CTNNA3: variants seen among roughly 807,000 people sequenced by gnomAD.
The protein encoded by CTNNA3 is catenin alpha 3, also known as catenin alpha-3.
CTNNA3 carries 76 observed loss-of-function variants against 95.7 expected under a neutral mutation model. The ratio of observed to expected loss-of-function variants is 0.79; its 90% CI spans 0.66 to 0.96. CTNNA3 has a LOEUF of 0.96. CTNNA3 is among the 40% of genes least tolerant of loss of function. The pLI is 0.00. For synonymous variants in CTNNA3, 431 were observed against 374.4 expected, an observed-to-expected ratio of 1.15 and a Z score of -1.74; for missense variants, 1,191 against 1,089.8, an observed-to-expected ratio of 1.09 and a Z score of -1.31.
At chr10:66,414,423 AGAG>A (rs1047700601) in intron 11 of CTNNA3, among the ~76,000 whole-genome samples, 1 of 152,168 alleles carries the variant, frequency 6.6e-6, no homozygotes, top group Non-Finnish European at 1.5e-5. Flanking sequence ...ACTCCCCAAT[AGAG>A]GGAAACGGTA....
chr10:66,521,908 C>T (rs960170110), intron 10 of CTNNA3, among the ~76,000 whole-genome samples: 9 of 152,222 alleles, frequency 5.9e-5, no homozygotes, highest in South Asian at 2.1e-4. Flanking sequence ...AAAATTCCAT[C>T]GAAAGCTCTG....
At position 67,676,059 on chromosome 10, in the gene CTNNA3, C is replaced by T. The variant is rs1003271692; in HGVS notation, c.-6+19941G>A. Among the ~76,000 whole-genome samples the T allele has an allele frequency of 7.2e-5, 11 of 151,804 alleles. No individual in the cohort carries two copies. The South Asian group carries it at 1.2e-3, about 17-fold the overall frequency. ...AGATTATATCATATAAACTAAAGGC[C>T]GAGGCACCCAAGTTAAGTAATCAAA... is the stretch of plus-strand genomic sequence containing the variant. On this transcript the variant is annotated intron_variant, in intron 1 of 17. Transcript: ENST00000433211.
intron 9 of CTNNA3, among the ~76,000 whole-genome samples, chr10:66,653,914 A>T (rs1297247879): frequency 1.3e-5 from 2 of 152,138 alleles, no homozygotes; most frequent in African/African-American, 4.8e-5. Context: ...CAGAAGATGA[A>T]ATTAGACCCT....
chr10:67,387,599 T>A (rs1053265441), intron 5 of CTNNA3, among the ~76,000 whole-genome samples: 1 of 152,190 alleles, frequency 6.6e-6, no homozygotes, highest in African/African-American at 2.4e-5. Flanking sequence ...GCTCCACCTC[T>A]GGGGGCAGGG....
At chr10:67,285,221 T>C (rs1839551462) in intron 5 of CTNNA3, among the ~76,000 whole-genome samples, 1 of 152,240 alleles carries the variant, frequency 6.6e-6, no homozygotes, top group Non-Finnish European at 1.5e-5. Context: ...ATTAGACATT[T>C]AGAAGTCCCA....
chr10:66,928,503 T>C lies in CTNNA3; in HGVS notation c.1048-152979A>G, dbSNP rs773159003. On this transcript the variant is annotated intron_variant, in intron 7 of 17. Coordinates refer to ENST00000433211, the MANE Select transcript of CTNNA3 (RefSeq NM_013266.4). ...CTCTTAAAAGCTGGGAAATAAGTGGTGCTTTATTGAACTCTGGTGACTATC... is the reference window on the plus strand; with the variant it reads ...CTCTTAAAAGCTGGGAAATAAGTGGCGCTTTATTGAACTCTGGTGACTATC... 4 of 1,504,058 alleles carry C rather than the reference T, an allele frequency of 2.7e-6. No individual in the cohort carries two copies. The African/African-American group carries it at 4.2e-5, about 16-fold the overall frequency. The allele number at this position is 1,504,058 out of a possible 1,614,324, so 93.2% of individuals were successfully genotyped here. A position where few individuals can be genotyped will look rare whatever the true frequency, so the allele number is the denominator to read the frequency against.
chr10:66,296,029 T>G (rs1425703629), intron 12 of CTNNA3, among the ~76,000 whole-genome samples: 1 of 152,198 alleles, frequency 6.6e-6, no homozygotes, highest in Admixed American at 6.5e-5. Flanking sequence ...TTAAGGTATA[T>G]CTATGTTGAA....
At chr10:66,883,510 C>T (rs1281763654) in intron 7 of CTNNA3, among the ~76,000 whole-genome samples, 1 of 152,162 alleles carries the variant, frequency 6.6e-6, no homozygotes, top group Non-Finnish European at 1.5e-5. Flanking sequence ...AATTATCACA[C>T]ACCTGTTGCA....
intron 1 of CTNNA3, among the ~76,000 whole-genome samples, chr10:67,687,928 T>C (rs144491128): frequency 0.033 from 5,090 of 152,308 alleles, 95 homozygotes; most frequent in Middle Eastern, 0.085. Context: ...TGGGGATCCA[T>C]ACTGGGGATG....
At chr10:67,649,557 AAAAT>A (rs1283555396) in intron 1 of CTNNA3, among the ~76,000 whole-genome samples, 1 of 152,260 alleles carries the variant, frequency 6.6e-6, no homozygotes, top group East Asian at 1.9e-4. Flanking sequence ...TTACTTAAAA[AAAAT>A]AAATCCTTAA....
intron 3 of CTNNA3, among the ~76,000 whole-genome samples, chr10:67,547,934 T>G (rs1840895313): frequency 6.6e-6 from 1 of 152,198 alleles, no homozygotes; most frequent in Non-Finnish European, 1.5e-5. Flanking sequence ...GACTTAATAT[T>G]GTTAAGATAG....
At chr10:67,039,411 C>T (rs1854262685) in intron 7 of CTNNA3, among the ~76,000 whole-genome samples, 2 of 152,086 alleles carry the variant, frequency 1.3e-5, no homozygotes, top group Admixed American at 1.3e-4. Context: ...GAAAAGCCTG[C>T]TCTTACAAGT....
intron 13 of CTNNA3, among the ~76,000 whole-genome samples, chr10:66,188,630 T>TGC (rs1554883599): frequency 3.3e-5 from 5 of 150,070 alleles, no homozygotes; most frequent in African/African-American, 9.9e-5. Context: ...TGTGTGTGTG[T>TGC]GCCACAATTT....
intron 1 of CTNNA3, among the ~76,000 whole-genome samples, chr10:67,761,206 A>C (rs1239257481): frequency 6.6e-6 from 1 of 152,198 alleles, no homozygotes; most frequent in African/African-American, 2.4e-5. Context: ...GACTGCTGCT[A>C]TATATGTGGT....
chr10:65,982,269 G>A (rs913865585), intron 16 of CTNNA3, among the ~76,000 whole-genome samples: 9 of 151,014 alleles, frequency 6.0e-5, no homozygotes, highest in African/African-American at 2.2e-4. Context: ...CTAATTATCG[G>A]GGAAATGCAA....
chr10:66,462,975 C>T (rs1297476289), intron 11 of CTNNA3, among the ~76,000 whole-genome samples: 1 of 152,032 alleles, frequency 6.6e-6, no homozygotes. Flanking sequence ...CATTTACATT[C>T]TTGGAGGAGG....
At chr10:66,631,953 C>T (rs1193306046) in intron 9 of CTNNA3, among the ~76,000 whole-genome samples, 1 of 127,364 alleles carries the variant, frequency 7.9e-6, no homozygotes, top group Non-Finnish European at 1.7e-5. Flanking sequence ...GTTTTCATGA[C>T]AAAATTTGTT....
At chr10:66,659,853 T>C (rs985659605) in intron 9 of CTNNA3, among the ~76,000 whole-genome samples, 1 of 152,196 alleles carries the variant, frequency 6.6e-6, no homozygotes, top group Non-Finnish European at 1.5e-5. Flanking sequence ...CCGCTGTTTA[T>C]AAGCTACCCA....
rs562064060 is a variant in CTNNA3 at position 67,230,852 on chromosome 10, C to A, written c.580-10982G>T. ...CGAGCCGAAGCAGGGTGAGGCATTGCCTCACTCGGGAAGCGCAGGGGGTCA... is the reference window on the plus strand; with the variant it reads ...CGAGCCGAAGCAGGGTGAGGCATTGACTCACTCGGGAAGCGCAGGGGGTCA... On this transcript the variant is annotated intron_variant, in intron 5 of 17. Transcript: ENST00000433211. 1.8e-4 allele frequency among the ~76,000 whole-genome samples: 27 copies of A among 152,320 alleles called. 1 individual carries two copies. The East Asian group carries it at 5.2e-3, about 30-fold the overall frequency.
Sources: gnomAD v4.1 joint callset for allele counts (sites outside exome capture counted in the v4.1 genomes callset) on GRCh38, gnomAD v4.1.1 for gene constraint, MANE v1.5 for transcripts, NCBI Gene and HGNC (gene_info 2026-07-23, HGNC 2026-07-21) for gene names.